The following FAM135B variants were observed in gnomAD, a reference collection of about 807,000 sequenced individuals.
The protein encoded by FAM135B is family with sequence similarity 135 member B.
A neutral mutation model predicts 127.7 loss-of-function variants in FAM135B; 43 were observed. The ratio of observed to expected loss-of-function variants is 0.34; its 90% confidence interval spans 0.26 to 0.43. FAM135B has a LOEUF of 0.43. Among genes scored for constraint, FAM135B ranks in the 20% least tolerant of loss-of-function variants. The probability of loss-of-function intolerance (pLI) is 1.00; values close to 1 mark genes in which losing one functional copy is unlikely to be tolerated. For synonymous variants in FAM135B, 670 were observed against 665.1 expected (o/e 1.01, Z -0.11); for missense variants, 1,558 against 1,725.6 (o/e 0.90, Z 1.72).
intron 6 of FAM135B, among the ~76,000 whole-genome samples, chr8:138,244,132 C>G (rs1210225233): frequency 6.6e-6 from 1 of 152,072 alleles, no homozygotes; most frequent in Non-Finnish European, 1.5e-5. Context: ...TTATTAGGCC[C>G]ATACCATATG....
chr8:138,347,212 G>A (rs537070348), intron 2 of FAM135B, among the ~76,000 whole-genome samples: 5 of 152,322 alleles, frequency 3.3e-5, no homozygotes, highest in African/African-American at 7.2e-5. Flanking sequence ...TTGACAGAAT[G>A]TCTCAGTAAC....
intron 3 of FAM135B, 125 bp downstream of exon 3, chr8:138,310,716 C>G: frequency 1.2e-6 from 1 of 808,114 alleles, no homozygotes. Context: ...AATTCGCCAT[C>G]CAACATTCAC....
At chr8:138,468,693 A>G (rs1313166098) in intron 1 of FAM135B, among the ~76,000 whole-genome samples, 2 of 152,166 alleles carry the variant, frequency 1.3e-5, no homozygotes, top group East Asian at 1.9e-4. Context: ...TATTTTTTCC[A>G]TTACTTTCAA....
intron 1 of FAM135B, among the ~76,000 whole-genome samples, chr8:138,488,921 T>G (rs1468327654): frequency 2.0e-5 from 3 of 152,196 alleles, no homozygotes; most frequent in Non-Finnish European, 4.4e-5. Context: ...CGCCTCAGCC[T>G]CCCAAAGTAC....
intron 1 of FAM135B, chr8:138,438,758 G>A (rs1835601590): frequency 6.6e-6 from 1 of 152,196 alleles, no homozygotes; most frequent in South Asian, 2.1e-4. Flanking sequence ...ATCACCTGAG[G>A]ATGATGCCTG....
At position 138,367,930 on chromosome 8, in the gene FAM135B, A is replaced by G. The variant is rs761910965; in HGVS notation, c.54T>C (p.Tyr18=). The part of the protein sequence containing the change: ...VEFSVELHKF[Y]NVDLFQRGYY... ...ACCCTCTCTGAAAGAGATCCACATT[A>G]TAAAATTTATGTAGCTCTACCGAAA... Residue 18 remains tyrosine, a synonymous_variant, in exon 2 of 20, where the codon TAT becomes TAC. Coordinates refer to ENST00000395297, the MANE Select transcript of FAM135B (RefSeq NM_015912.4). The G allele has an allele frequency of 3.1e-6, 5 of 1,613,538 alleles. No homozygotes were observed. The Admixed American group carries it at 8.3e-5, about 27-fold the overall frequency.
At chr8:138,463,841 GAT>G in intron 1 of FAM135B, among the ~76,000 whole-genome samples, 1 of 152,050 alleles carries the variant, frequency 6.6e-6, no homozygotes. Flanking sequence ...GAGATTTGAA[GAT>G]ATAAAGAAAG....
chr8:138,446,318 T>G (rs569076225), intron 1 of FAM135B, among the ~76,000 whole-genome samples: 1 of 152,066 alleles, frequency 6.6e-6, no homozygotes, highest in East Asian at 1.9e-4. Context: ...CAAGTTCATA[T>G]GGAACCAAAA....
intron 11 of FAM135B, among the ~76,000 whole-genome samples, chr8:138,173,087 G>A (rs1186158426): frequency 6.6e-6 from 1 of 152,172 alleles, no homozygotes; most frequent in East Asian, 1.9e-4. Context: ...ACAGTAGGCA[G>A]AGACACTCCC....
intron 3 of FAM135B, among the ~76,000 whole-genome samples, chr8:138,281,176 C>T (rs1824238223): frequency 6.6e-6 from 1 of 152,206 alleles, no homozygotes; most frequent in South Asian, 2.1e-4. Flanking sequence ...TGGAGATCCT[C>T]CATGTCTGCT....
At chr8:138,269,607 C>T (rs976645297) in intron 3 of FAM135B, among the ~76,000 whole-genome samples, 3 of 152,182 alleles carry the variant, frequency 2.0e-5, no homozygotes, top group Non-Finnish European at 4.4e-5. Context: ...CTATGGGTTC[C>T]TCAAAGTCAC....
intron 2 of FAM135B, among the ~76,000 whole-genome samples, chr8:138,327,563 G>A (rs553594854): frequency 1.3e-4 from 20 of 152,304 alleles, no homozygotes; most frequent in Middle Eastern, 3.4e-3. Flanking sequence ...TAATCGTGAT[G>A]GAAAAAGCCA....
chr8:138,388,360 T>C (rs1832344189), intron 1 of FAM135B, among the ~76,000 whole-genome samples: 1 of 152,190 alleles, frequency 6.6e-6, no homozygotes, highest in South Asian at 2.1e-4. Context: ...TGAAATATAC[T>C]CTTACTATAA....
At chr8:138,489,092 G>A (rs368897466) in intron 1 of FAM135B, among the ~76,000 whole-genome samples, 1 of 152,120 alleles carries the variant, frequency 6.6e-6, no homozygotes, top group Non-Finnish European at 1.5e-5. Flanking sequence ...TATCATCTAC[G>A]TGCTGAGGAT....
At chr8:138,356,819 T>C (rs374660167) in intron 2 of FAM135B, among the ~76,000 whole-genome samples, 29 of 152,316 alleles carry the variant, frequency 1.9e-4, no homozygotes, top group African/African-American at 6.7e-4. Context: ...GTAGACATTT[T>C]CTGTTTATGA....
intron 7 of FAM135B, among the ~76,000 whole-genome samples, chr8:138,220,779 T>C (rs902447592): frequency 7.9e-5 from 12 of 152,232 alleles, no homozygotes; most frequent in African/African-American, 2.2e-4. Flanking sequence ...TCATGGTTTA[T>C]AAGAAAATAG....
At chr8:138,484,974 T>C (rs2131686352) in intron 1 of FAM135B, among the ~76,000 whole-genome samples, 1 of 152,300 alleles carries the variant, frequency 6.6e-6, no homozygotes, top group East Asian at 1.9e-4. Context: ...TGAGTTAAAA[T>C]CAACGAGGTT....
At chr8:138,135,559 C>T (rs769439757) in intron 19 of FAM135B, among the ~76,000 whole-genome samples, 2 of 151,992 alleles carry the variant, frequency 1.3e-5, no homozygotes, top group African/African-American at 4.8e-5. Context: ...TAGGCAGGCA[C>T]GAATATACTC....
At chr8:138,191,678 A>G (rs1287327371) in intron 9 of FAM135B, among the ~76,000 whole-genome samples, 1 of 152,168 alleles carries the variant, frequency 6.6e-6, no homozygotes, top group Non-Finnish European at 1.5e-5. Flanking sequence ...AAAAATTCTC[A>G]TGGGCCAAAA....
Sources: gnomAD v4.1 joint callset for allele counts (sites outside exome capture counted in the v4.1 genomes callset) on GRCh38, gnomAD v4.1.1 for gene constraint, MANE v1.5 for transcripts, NCBI Gene and HGNC (gene_info 2026-07-23, HGNC 2026-07-21) for gene names.